Variants in CCDC180 observed in about 807,000 individuals in gnomAD.
The protein encoded by CCDC180 is coiled-coil domain-containing protein 180.
A neutral mutation model predicts 209.2 loss-of-function variants in CCDC180; 154 were observed. The ratio of observed to expected loss-of-function variants is 0.74; its 90% CI spans 0.65 to 0.84. CCDC180 has a LOEUF of 0.84. Among genes scored for constraint, CCDC180 ranks in the 40% least tolerant of loss-of-function variants. CCDC180 has a pLI of 0.00. For missense variants in CCDC180, 1,874 were observed against 1,997.3 expected (o/e 0.94, Z 1.18); for synonymous variants, 778 against 749.1 (o/e 1.04, Z -0.63).
intron 8 of CCDC180, among the ~76,000 whole-genome samples, chr9:97,315,914 A>G (rs1233541800): frequency 6.6e-6 from 1 of 152,252 alleles, no homozygotes; most frequent in East Asian, 1.9e-4. Flanking sequence ...TATACTCATC[A>G]TAAGTAGAAA....
At chr9:97,369,419 TTTATGTTATG>T (rs3052478) in intron 31 of CCDC180, 33,840 of 130,276 alleles carry the variant, frequency 0.26, 4,088 homozygotes, top group African/African-American at 0.32. Context: ...AAGCCTTTAT[TTTATGTTATG>T]TTATGTTATG....
Position 97,317,184 on chromosome 9 carries a change from C to T in CCDC180, c.915C>T (p.Asp305=). 6.2e-7 allele frequency: 1 copy of T among 1,611,938 alleles called. No homozygotes were observed. The highest frequency in any genetic ancestry group is 8.5e-7 in the Non-Finnish European group (1 of 1,178,596). Reference sequence around the variant, plus strand: ...GCCACCGCTGGCAAGGCTTGGTGGACACCTGGAAGGCTCTCAAGAAGGAGG... The same window carrying T: ...GCCACCGCTGGCAAGGCTTGGTGGATACCTGGAAGGCTCTCAAGAAGGAGG... The part of the protein sequence containing the change: ...DSRHRWQGLV[D]TWKALKKEAL... Residue 305 remains aspartate, a synonymous_variant, in exon 9 of 37, where the codon GAC becomes GAT. Transcript: ENST00000529487.
intron 18 of CCDC180, among the ~76,000 whole-genome samples, chr9:97,335,813 A>G (rs1172122335): frequency 6.6e-6 from 1 of 152,114 alleles, no homozygotes; most frequent in Admixed American, 6.5e-5. Flanking sequence ...AAGCATTCTT[A>G]TTTCCCCACA....
intron 21 of CCDC180, 144 bp downstream of exon 21, chr9:97,349,435 G>A: frequency 1.4e-6 from 1 of 725,698 alleles, no homozygotes; most frequent in Non-Finnish European, 2.2e-6. Flanking sequence ...CTCTTCAAGA[G>A]AGTCAAGTCA....
chr9:97,314,223 A>G (rs893966381), intron 5 of CCDC180, among the ~76,000 whole-genome samples, 170 bp from the exon 6 acceptor site: 5 of 152,236 alleles, frequency 3.3e-5, no homozygotes, highest in African/African-American at 1.2e-4. Flanking sequence ...CTCAGCGCAG[A>G]GCGTGTGGCG....
Position 97,330,496 on chromosome 9 carries a change from A to T in CCDC180, c.2003A>T (p.Glu668Val), listed in dbSNP as rs942251219. Residue 668 changes from glutamate (E) to valine (V), a missense_variant, in exon 18 of 37, where the codon GAG (glutamate) becomes GTG (valine). Glu to Val is a moderately radical substitution (Grantham distance 121). Transcript: ENST00000529487. ...DQEMESFITEEVLGQQKKSPL... is the reference protein window; with the variant it reads ...DQEMESFITEVVLGQQKKSPL... ...GAAATGGAGTCCTTCATAACTGAAG[A>T]GGTGCTGGGGCAGCAGAAAAAATCT... The T allele has an allele frequency of 6.8e-6, 11 of 1,614,054 alleles. No individual in the cohort carries two copies. Among genetic ancestry groups the T allele is most frequent in the Admixed American group, 1.7e-5 (1 of 59,994 alleles).
At chr9:97,318,407 C>T (rs1444992311) in intron 9 of CCDC180, 56 bp from the exon 10 acceptor site, 1 of 1,594,548 alleles carries the variant, frequency 6.3e-7, no homozygotes, top group Non-Finnish European at 8.6e-7. Flanking sequence ...TTCCCTCTCT[C>T]ACTCCTGCCC....
At chr9:97,331,644 A>G (rs1274094159) in intron 18 of CCDC180, among the ~76,000 whole-genome samples, 2 of 152,100 alleles carry the variant, frequency 1.3e-5, no homozygotes, top group Non-Finnish European at 2.9e-5. Flanking sequence ...GCATTTCTCT[A>G]ATGATTAGTG....
At chr9:97,365,482 A>G (rs1273179129) in intron 29 of CCDC180, 191 bp from the exon 30 acceptor site, 4 of 580,748 alleles carry the variant, frequency 6.9e-6, no homozygotes, top group African/African-American at 1.9e-5. Context: ...AAATACAACC[A>G]AGAAGAGAAG....
Position 97,314,724 on chromosome 9 carries a change from ATAAAG to A in CCDC180, c.699_699+4del, listed in dbSNP as rs1833105314. 1 of 1,613,672 alleles carries A rather than the reference ATAAAG, an allele frequency of 6.2e-7. No individual in the cohort carries two copies. Among genetic ancestry groups the A allele is most frequent in the Non-Finnish European group, 8.5e-7 (1 of 1,179,782 alleles). On this transcript the variant is annotated splice_donor_variant and coding_sequence_variant, in exon 7 of 37. Coordinates refer to ENST00000529487, the MANE Select transcript of CCDC180 (RefSeq NM_020893.6). LOFTEE classifies it high-confidence loss of function. ...CACTCGCTGGAGTTCTCCCGAACCG[ATAAAG>A]TAAGTCGGCTGCAGGTGGGCTGTGT... is the stretch of plus-strand genomic sequence containing the variant.
rs757668623 is a variant in CCDC180 at position 97,330,368 on chromosome 9, GA to G, written c.1877del (p.Lys626SerfsTer8). The G allele has an allele frequency of 1.2e-6, 2 of 1,614,104 alleles. No homozygotes were observed. The highest frequency in any genetic ancestry group is 1.7e-6 in the Non-Finnish European group (2 of 1,180,028). On this transcript the variant is annotated frameshift_variant, in exon 18 of 37. Coordinates refer to ENST00000529487, the MANE Select transcript of CCDC180 (RefSeq NM_020893.6). LOFTEE classifies it high-confidence loss of function. ...SQKRVKKLRK[K>X]QGSKEDMTRS... ...AGAAGAGAGTGAAAAAACTGAGGAA[GA>G]AGCAAGGGTCTAAAGAGGACATGAC...
At chr9:97,347,653 G>C (rs1026759377) in intron 20 of CCDC180, 164 bp downstream of exon 20, 5 of 639,706 alleles carry the variant, frequency 7.8e-6, no homozygotes, top group Non-Finnish European at 1.3e-5. Flanking sequence ...CACCTCTGAG[G>C]CTTGCAGAAA....
intron 25 of CCDC180, chr9:97,357,946 G>A (rs1326463085): frequency 8.8e-6 from 4 of 453,652 alleles, no homozygotes; most frequent in African/African-American, 4.0e-5. Context: ...TCCCAGGCAA[G>A]CATGGAGCAG....
At chr9:97,362,118 G>A in intron 27 of CCDC180, 78 bp from the exon 28 acceptor site, 1 of 1,540,142 alleles carries the variant, frequency 6.5e-7, no homozygotes. Flanking sequence ...AGGACTAACT[G>A]GGATGCTGCT....
intron 25 of CCDC180, 61 bp downstream of exon 25, chr9:97,357,786 T>C: frequency 7.3e-7 from 1 of 1,365,454 alleles, no homozygotes. Context: ...AAGTCATAAA[T>C]GTGAAATAAA....
rs755796560 is a variant in CCDC180 at position 97,317,239 on chromosome 9, C to G, written c.959+11C>G. 6.4e-7 allele frequency: 1 copy of G among 1,556,334 alleles called. No individual in the cohort carries two copies. Among genetic ancestry groups the G allele is most frequent in the Non-Finnish European group, 8.8e-7 (1 of 1,141,668 alleles). On this transcript the variant is annotated intron_variant, in intron 9 of 36. Transcript: ENST00000529487. Reference sequence around the variant, plus strand: ...GCTGCAGAGTTTCAGGTCAGTGCCGCCCACACAGCTCCTTCTCCAGCCCAC... The same window carrying G: ...GCTGCAGAGTTTCAGGTCAGTGCCGGCCACACAGCTCCTTCTCCAGCCCAC...
At chr9:97,376,607 G>A in intron 36 of CCDC180, 156 bp from the exon 37 acceptor site, 1 of 721,366 alleles carries the variant, frequency 1.4e-6, no homozygotes, top group South Asian at 1.8e-5. Context: ...AAACAACTAG[G>A]ACTACCTGGT....
At chr9:97,359,062 T>C (rs1197666153) in intron 25 of CCDC180, among the ~76,000 whole-genome samples, 1 of 152,220 alleles carries the variant, frequency 6.6e-6, no homozygotes, top group Admixed American at 6.5e-5. Flanking sequence ...ATGCACTTGT[T>C]TCTACACATC....
At chr9:97,314,971 T>A in intron 8 of CCDC180, 25 bp downstream of exon 8, 1 of 1,585,870 alleles carries the variant, frequency 6.3e-7, no homozygotes, top group Non-Finnish European at 8.7e-7. Context: ...TGTGCAGGGA[T>A]CAGCCCATGG....
Sources: allele counts gnomAD v4.1 joint callset (sites outside exome capture counted in the v4.1 genomes callset), GRCh38; gene constraint gnomAD v4.1.1; transcripts MANE v1.5; gene names NCBI Gene and HGNC (gene_info 2026-07-23, HGNC 2026-07-21).